Variants in ERBB4 observed in about 807,000 individuals in gnomAD.
ERBB4 encodes the protein receptor tyrosine-protein kinase erbB-4.
A neutral mutation model predicts 158.0 loss-of-function variants in ERBB4; 42 were observed. The observed-to-expected ratio is 0.27, with a 90% confidence interval of 0.21 to 0.34. The LOEUF is 0.34. ERBB4 is among the 10% of genes least tolerant of loss of function. The pLI is 1.00. For missense variants in ERBB4, 1,333 were observed against 1,624.1 expected (o/e 0.82, Z 3.08); for synonymous variants, 583 against 558.7 (o/e 1.04, Z -0.61).
chr2:211,821,664 G>C (rs774653722), intron 3 of ERBB4, among the ~76,000 whole-genome samples: 9 of 152,000 alleles, frequency 5.9e-5, no homozygotes, highest in Admixed American at 1.3e-4. Flanking sequence ...CAGACATGCA[G>C]ATCAATGCAA....
chr2:211,424,091 G>A (rs2063571463), intron 23 of ERBB4, 64 bp downstream of exon 23: 2 of 1,429,366 alleles, frequency 1.4e-6, no homozygotes, highest in Admixed American at 1.7e-5. Context: ...TGTACAGATT[G>A]AGTAATCTCT....
At chr2:211,623,658 G>A (rs191032517) in intron 18 of ERBB4, among the ~76,000 whole-genome samples, 19 of 152,202 alleles carry the variant, frequency 1.2e-4, no homozygotes, top group African/African-American at 3.6e-4. Context: ...TATGACATAC[G>A]GGGCTCAGAA....
intron 20 of ERBB4, among the ~76,000 whole-genome samples, chr2:211,470,362 T>A (rs1222417767): frequency 6.6e-6 from 1 of 152,100 alleles, no homozygotes; most frequent in East Asian, 1.9e-4. Context: ...GCTCTCTGAC[T>A]TCCTACATAA....
At chr2:211,985,115 C>G (rs1377304835) in intron 2 of ERBB4, among the ~76,000 whole-genome samples, 11 of 152,162 alleles carry the variant, frequency 7.2e-5, no homozygotes, top group Admixed American at 7.2e-4. Context: ...TACTCACTGA[C>G]AAACATTTCG....
chr2:211,384,751 T>G (rs184508169), intron 27 of ERBB4, among the ~76,000 whole-genome samples: 127 of 152,254 alleles, frequency 8.3e-4, no homozygotes, highest in African/African-American at 2.8e-3. Context: ...ATATTTCCAT[T>G]GACCAATCAT....
At position 212,345,265 on chromosome 2, in the gene ERBB4, C is replaced by CAAAAAAAAAAAAAA. The variant is rs367985477; in HGVS notation, c.82+193183_82+193184insTTTTTTTTTTTTTT. 5.4e-4 allele frequency among the ~76,000 whole-genome samples: 42 copies of CAAAAAAAAAAAAAA among 77,680 alleles called. 6 individuals are homozygous for CAAAAAAAAAAAAAA. Among genetic ancestry groups the CAAAAAAAAAAAAAA allele is most frequent in the Admixed American group, 9.2e-4 (7 of 7,644 alleles). 51.0% of individuals were successfully genotyped at this position (77,680 alleles called of 152,430 possible). ...TGGGGGACAGAGCAAGACTCCGTCT[C>CAAAAAAAAAAAAAA]AAAAAAAAAAAAGCACTAAACACAT... is the stretch of plus-strand genomic sequence containing the variant. On this transcript the variant is annotated intron_variant, in intron 1 of 27. Transcript: ENST00000342788.
intron 2 of ERBB4, among the ~76,000 whole-genome samples, chr2:212,006,747 T>C (rs761248749): frequency 1.8e-4 from 27 of 152,218 alleles, no homozygotes; most frequent in South Asian, 4.1e-4. Context: ...AAGCAGATAC[T>C]ATCACTATCT....
At position 211,679,138 on chromosome 2, in the gene ERBB4, A is replaced by G. The variant is rs879245160; in HGVS notation, c.1536T>C (p.Cys512=). 7 of 1,613,936 alleles carry G rather than the reference A, an allele frequency of 4.3e-6. No individual in the cohort carries two copies. The highest frequency in any genetic ancestry group is 2.7e-5 in the African/African-American group (2 of 74,930). Residue 512 remains cysteine (C), a synonymous_variant, in exon 13 of 28, where the codon TGT becomes TGC. Transcript: ENST00000342788. ...GACATTGGTCTGGCCCAGGTCCCCA[A>G]CAGCCATCACTGGAACACAGATGGT... ...VCNHLCSSDG[C]WGPGPDQCLS...
intron 20 of ERBB4, 128 bp from the exon 21 acceptor site, chr2:211,431,228 A>G: frequency 1.2e-6 from 1 of 807,198 alleles, no homozygotes; most frequent in Non-Finnish European, 2.0e-6. Context: ...ATCCTAGAAT[A>G]TTTTCAAAAT....
intron 1 of ERBB4, among the ~76,000 whole-genome samples, chr2:212,213,325 C>T (rs994892346): frequency 1.3e-5 from 2 of 152,000 alleles, no homozygotes; most frequent in African/African-American, 4.8e-5. Flanking sequence ...CTCAACATCA[C>T]TGATCATCAG....
intron 1 of ERBB4, among the ~76,000 whole-genome samples, chr2:212,155,975 A>G (rs1393109263): frequency 6.6e-6 from 1 of 152,074 alleles, no homozygotes; most frequent in African/African-American, 2.4e-5. Flanking sequence ...TTCCTTTGTA[A>G]TCTCATGCAT....
At chr2:212,132,660 A>C (rs2080141124) in intron 1 of ERBB4, among the ~76,000 whole-genome samples, 2 of 152,008 alleles carry the variant, frequency 1.3e-5, no homozygotes, top group Non-Finnish European at 2.9e-5. Context: ...TCAGGCCTTT[A>C]AACTACACCA....
At chr2:211,745,921 G>A (rs570099496) in intron 5 of ERBB4, among the ~76,000 whole-genome samples, 5 of 152,102 alleles carry the variant, frequency 3.3e-5, no homozygotes, top group Admixed American at 6.5e-5. Flanking sequence ...CCAGGAAACA[G>A]TTGTCTCTAG....
At chr2:212,483,688 C>T (rs1689826546) in intron 1 of ERBB4, among the ~76,000 whole-genome samples, 1 of 149,780 alleles carries the variant, frequency 6.7e-6, no homozygotes, top group South Asian at 2.1e-4. Flanking sequence ...CACCCATTGA[C>T]TCTTTCTAAA....
chr2:211,765,090 C>T (rs1183278868), intron 4 of ERBB4, among the ~76,000 whole-genome samples: 1 of 152,150 alleles, frequency 6.6e-6, no homozygotes, highest in Admixed American at 6.5e-5. Context: ...CCCCATCTCA[C>T]TCCCTCGCCT....
chr2:211,796,419 C>T (rs2076384209), intron 3 of ERBB4, among the ~76,000 whole-genome samples: 1 of 151,992 alleles, frequency 6.6e-6, no homozygotes, highest in East Asian at 1.9e-4. Flanking sequence ...TGCTGCTATG[C>T]ACTTCCTAGA....
At chr2:211,819,927 T>C (rs915383233) in intron 3 of ERBB4, among the ~76,000 whole-genome samples, 3 of 151,912 alleles carry the variant, frequency 2.0e-5, no homozygotes, top group Non-Finnish European at 4.4e-5. Context: ...ATAAGTTCCA[T>C]GCATCACACT....
intron 2 of ERBB4, among the ~76,000 whole-genome samples, chr2:212,118,096 C>T (rs1352533936): frequency 6.6e-6 from 1 of 152,132 alleles, no homozygotes; most frequent in Non-Finnish European, 1.5e-5. Flanking sequence ...CAGACACAAA[C>T]ATAAAAACCA....
chr2:212,127,097 C>T (rs2079954412), intron 1 of ERBB4, among the ~76,000 whole-genome samples: 1 of 152,088 alleles, frequency 6.6e-6, no homozygotes, highest in South Asian at 2.1e-4. Flanking sequence ...GTCCTAATTC[C>T]CATTACTTAG....
Sources: allele counts gnomAD v4.1 joint callset (sites outside exome capture counted in the v4.1 genomes callset), GRCh38; gene constraint gnomAD v4.1.1; transcripts MANE v1.5; gene names NCBI Gene and HGNC (gene_info 2026-07-23, HGNC 2026-07-21).